PHF20: variants seen among roughly 807,000 people sequenced by gnomAD.
PHF20 encodes PHD finger protein 20.
A neutral mutation model predicts 113.5 loss-of-function variants in PHF20; 23 were observed. The observed-to-expected ratio is 0.20, with a 90% CI of 0.15 to 0.29. The LOEUF (loss-of-function observed/expected upper bound fraction) is 0.29. PHF20 is among the 10% of genes least tolerant of loss of function. The probability of loss-of-function intolerance (pLI) is 1.00; values close to 1 mark genes in which losing one functional copy is unlikely to be tolerated. For synonymous variants in PHF20, 434 were observed against 457.3 expected (o/e 0.95, Z 0.65); for missense variants, 943 against 1,219.6 (o/e 0.77, Z 3.38).
At position 35,863,002 on chromosome 20, in the gene PHF20, G is replaced by T; in HGVS notation, c.421-11G>T. 1 of 1,543,944 alleles carries T rather than the reference G, an allele frequency of 6.5e-7. No individual in the cohort carries two copies. The highest frequency in any genetic ancestry group is 8.7e-7 in the Non-Finnish European group (1 of 1,149,790). On this transcript the variant is annotated splice_polypyrimidine_tract_variant and intron_variant, in intron 5 of 17. Coordinates refer to ENST00000374012, the MANE Select transcript of PHF20 (RefSeq NM_016436.5). Reference sequence around the variant, plus strand: ...TCACGAAGTGTTTCATCGCTATTTTGCTCATTTTAGAATATTGTGGGTAAT... The same window carrying T: ...TCACGAAGTGTTTCATCGCTATTTTTCTCATTTTAGAATATTGTGGGTAAT...
At chr20:35,880,448 G>T (rs2054607544) in intron 9 of PHF20, among the ~76,000 whole-genome samples, 1 of 152,062 alleles carries the variant, frequency 6.6e-6, no homozygotes, top group South Asian at 2.1e-4. Context: ...TCATTTTCAG[G>T]ATAGGGAGAT....
intron 10 of PHF20, among the ~76,000 whole-genome samples, chr20:35,900,955 C>T (rs1368081162): frequency 5.3e-5 from 8 of 151,988 alleles, no homozygotes. Context: ...ACAGTAGTTA[C>T]CTTTGGGAGG....
intron 10 of PHF20, among the ~76,000 whole-genome samples, chr20:35,905,062 T>A (rs902884000): frequency 2.0e-5 from 3 of 152,102 alleles, no homozygotes; most frequent in African/African-American, 7.2e-5. Context: ...CGACCTCAGA[T>A]GATCTGCCTG....
intron 9 of PHF20, among the ~76,000 whole-genome samples, chr20:35,877,652 A>C (rs906511699): frequency 6.6e-6 from 1 of 150,956 alleles, no homozygotes. Context: ...ATCTTAGGTC[A>C]CTGCAGCCTC....
chr20:35,773,653 T>C (rs1343126654), intron 1 of PHF20, among the ~76,000 whole-genome samples: 3 of 152,206 alleles, frequency 2.0e-5, no homozygotes, highest in Non-Finnish European at 4.4e-5. Flanking sequence ...CTGGTTTCTG[T>C]CTTTCTTTGG....
At chr20:35,864,691 T>C (rs2054283295) in intron 6 of PHF20, among the ~76,000 whole-genome samples, 1 of 152,184 alleles carries the variant, frequency 6.6e-6, no homozygotes, top group South Asian at 2.1e-4. Flanking sequence ...TGCTTGTAAC[T>C]GGGTTTTGCC....
At chr20:35,864,407 AAC>A (rs376477234) in intron 6 of PHF20, among the ~76,000 whole-genome samples, 9,682 of 132,316 alleles carry the variant, frequency 0.073, 317 homozygotes, top group Middle Eastern at 0.11. Context: ...CCCATCTCAA[AAC>A]ACACACACAC....
At chr20:35,789,198 A>C (rs2041486707) in intron 1 of PHF20, among the ~76,000 whole-genome samples, 1 of 152,028 alleles carries the variant, frequency 6.6e-6, no homozygotes, top group Non-Finnish European at 1.5e-5. Context: ...GGGAGGGGGC[A>C]GATCACCTGG....
rs747035127 is a variant in PHF20 at position 35,847,446 on chromosome 20, G to T, written c.340+12G>T. The T allele has an allele frequency of 3.2e-6, 5 of 1,581,756 alleles. 1 individual carries two copies. The East Asian group carries it at 1.1e-4, about 35-fold the overall frequency. ...TGTTAACAAGGATGGTAAGGCATTT[G>T]AGTTGTAGTTGTTTTTACTCATGAC... On this transcript the variant is annotated intron_variant, in intron 4 of 17. Transcript: ENST00000374012.
intron 9 of PHF20, among the ~76,000 whole-genome samples, chr20:35,885,676 A>G (rs2054717292): frequency 6.6e-6 from 1 of 151,878 alleles, no homozygotes; most frequent in Admixed American, 6.6e-5. Context: ...GGTGCATTCT[A>G]TCAGGAAGCA....
chr20:35,911,306 T>A (rs1479290704), intron 10 of PHF20, among the ~76,000 whole-genome samples: 1 of 152,170 alleles, frequency 6.6e-6, no homozygotes, highest in Non-Finnish European at 1.5e-5. Flanking sequence ...CCTCCCAAAG[T>A]GCTGGGATTA....
At chr20:35,836,415 T>C (rs188560621) in intron 2 of PHF20, among the ~76,000 whole-genome samples, 130 of 152,340 alleles carry the variant, frequency 8.5e-4, no homozygotes, top group Non-Finnish European at 1.5e-3. Flanking sequence ...CATGGAAGTC[T>C]TTCTGTATCA....
intron 4 of PHF20, among the ~76,000 whole-genome samples, chr20:35,848,471 G>T (rs1338565057): frequency 1.3e-5 from 2 of 152,122 alleles, no homozygotes; most frequent in East Asian, 3.9e-4. Flanking sequence ...CGCTATGTTG[G>T]CCAGGCTGGT....
At chr20:35,802,869 G>A (rs1360085405) in intron 2 of PHF20, among the ~76,000 whole-genome samples, 7 of 150,832 alleles carry the variant, frequency 4.6e-5, no homozygotes, top group African/African-American at 1.7e-4. Context: ...AACCCGGGAG[G>A]TGGAGGTTGC....
chr20:35,853,233 A>AG (rs1385590046), intron 4 of PHF20: 1 of 137,518 alleles, frequency 7.3e-6, no homozygotes, highest in South Asian at 2.1e-4. Context: ...AAAAAAAAAA[A>AG]AAAGAAAGAA....
In PHF20 at chr20:35,842,619, C is replaced by T; in HGVS notation, c.130C>T (p.Leu44Phe). 1 of 1,613,814 alleles carries T rather than the reference C, an allele frequency of 6.2e-7. No homozygotes were observed. Among genetic ancestry groups the T allele is most frequent in the Non-Finnish European group, 8.5e-7 (1 of 1,179,818 alleles). ...CATTGACTACGAGGAAGGAAAAGTA[C>T]TCATCCATTTCAAGCGTTGGAACCA... ...EDIDYEEGKV[L>F]IHFKRWNHRY... Residue 44 changes from leucine (L) to phenylalanine (F), a missense_variant, in exon 3 of 18, where the codon CTC (leucine) becomes TTC (phenylalanine). Physicochemically the swap from Leu to Phe is conservative, Grantham distance 22. This residue lies in a region of PHF20 where 592 missense variants were observed against 787.2 expected (regional missense o/e 0.75). Transcript: ENST00000374012.
At chr20:35,778,875 T>G (rs1413306032) in intron 1 of PHF20, among the ~76,000 whole-genome samples, 1 of 152,146 alleles carries the variant, frequency 6.6e-6, no homozygotes, top group East Asian at 1.9e-4. Flanking sequence ...ACTAATGAGC[T>G]GGCAGAAATC....
intron 9 of PHF20, among the ~76,000 whole-genome samples, chr20:35,893,896 A>C (rs994216121): frequency 2.0e-5 from 3 of 152,238 alleles, no homozygotes; most frequent in Non-Finnish European, 4.4e-5. Flanking sequence ...GATTACAGGC[A>C]TGAGCCACTG....
intron 9 of PHF20, among the ~76,000 whole-genome samples, chr20:35,897,849 G>A (rs943907384): frequency 2.0e-5 from 3 of 149,786 alleles, no homozygotes; most frequent in Non-Finnish European, 4.4e-5. Context: ...TTACAGGTGT[G>A]AGCCACCACG....
Sources: allele counts gnomAD v4.1 joint callset (sites outside exome capture counted in the v4.1 genomes callset), GRCh38; gene constraint gnomAD v4.1.1; regional missense constraint gnomAD v4.1.1; transcripts MANE v1.5; gene names NCBI Gene and HGNC (gene_info 2026-07-23, HGNC 2026-07-21).